TUBG2: variants seen among roughly 807,000 people sequenced by gnomAD.
TUBG2 encodes the protein tubulin gamma-2 chain.
TUBG2 carries 39 observed loss-of-function variants against 55.1 expected under a neutral mutation model. The observed-to-expected ratio is 0.71, with a 90% confidence interval of 0.55 to 0.93. The LOEUF (loss-of-function observed/expected upper bound fraction) is 0.93. Ranked by LOEUF, TUBG2 falls within the 40% of genes least tolerant of loss-of-function variation. The probability of loss-of-function intolerance (pLI) is 0.00; values close to 1 mark genes in which losing one functional copy is unlikely to be tolerated. For missense variants in TUBG2, 358 were observed against 599.1 expected, an observed-to-expected ratio of 0.60 and a Z score of 4.20; for synonymous variants, 223 against 241.0, an observed-to-expected ratio of 0.93 and a Z score of 0.69.
chr17:42,660,376 A>T, intron 3 of TUBG2, 60 bp downstream of exon 3: 1 of 1,607,176 alleles, frequency 6.2e-7, no homozygotes, highest in Non-Finnish European at 8.5e-7. Flanking sequence ...AGGCAGGCTC[A>T]AGCTACTAGG....
At chr17:42,660,533 G>A in intron 3 of TUBG2, 106 bp from the exon 4 acceptor site, 5 of 1,326,378 alleles carry the variant, frequency 3.8e-6, no homozygotes, top group South Asian at 1.2e-5. Flanking sequence ...CTCTGCTTCA[G>A]GGTGGCAACA....
rs778739041 is a variant in TUBG2, at chr17:42,663,390, C to T, written c.493C>T (p.Leu165=). ...CTTTTCTCTCAGGTACCCCAAGAAG[C>T]TAGTGCAGACTTATTCAGTGTTTCC... The part of the protein sequence containing the change: ...ERLNDRYPKK[L]VQTYSVFPYQ... Residue 165 remains leucine, a synonymous_variant, in exon 6 of 11, where the codon CTA becomes TTA. Coordinates refer to ENST00000251412, the MANE Select transcript of TUBG2 (RefSeq NM_016437.3). 1 of 1,614,018 alleles carries T rather than the reference C, an allele frequency of 6.2e-7. No homozygotes were observed. The highest frequency in any genetic ancestry group is 1.3e-5 in the African/African-American group (1 of 74,920).
At chr17:42,660,471 G>T in intron 3 of TUBG2, 155 bp downstream of exon 3, 2 of 1,390,206 alleles carry the variant, frequency 1.4e-6, no homozygotes, top group Non-Finnish European at 2.0e-6. Flanking sequence ...TGCAAATTTT[G>T]TGCAAATCAT....
Position 42,665,538 on chromosome 17 carries a change from G to A in TUBG2, c.669G>A (p.Pro223=), listed in dbSNP as rs773980344. The part of the protein sequence containing the change: ...IATDRLHIQN[P]SFSQINQLVS... ...CAGACCGCCTGCACATCCAGAACCC[G>A]TCCTTCTCCCAGATCAACCAGCTGG... The change falls in exon 7 of 11, where the codon CCG becomes CCA. Residue 223 remains proline (P), a synonymous_variant. Transcript: ENST00000251412. The A allele has an allele frequency of 3.5e-5, 56 of 1,613,902 alleles. No homozygotes were observed. The highest frequency in any genetic ancestry group is 1.3e-4 in the South Asian group (12 of 91,082).
chr17:42,659,812 G>C, intron 1 of TUBG2, 22 bp from the exon 2 acceptor site: 4 of 1,614,010 alleles, frequency 2.5e-6, no homozygotes, highest in Non-Finnish European at 3.4e-6. Flanking sequence ...CAGCAGACCC[G>C]GGCATCTCCC....
intron 3 of TUBG2, 100 bp from the exon 4 acceptor site, chr17:42,660,539 C>A (rs1178173501): frequency 4.4e-5 from 59 of 1,347,438 alleles, no homozygotes; most frequent in Non-Finnish European, 6.0e-5. Context: ...TTCAGGGTGG[C>A]AACAATATTC....
intron 6 of TUBG2, among the ~76,000 whole-genome samples, chr17:42,664,749 C>T (rs9897504): frequency 0.21 from 31,412 of 151,562 alleles, 3,673 homozygotes; most frequent in Non-Finnish European, 0.26. Context: ...GTGTATGGCA[C>T]ATGTGGGTAC....
intron 3 of TUBG2, 107 bp downstream of exon 3, chr17:42,660,423 G>C (rs1253901519): frequency 1.3e-6 from 2 of 1,555,722 alleles, no homozygotes; most frequent in Non-Finnish European, 1.8e-6. Flanking sequence ...GAGACAAAAG[G>C]ATGTCCCGAA....
chr17:42,665,725 C>T lies in TUBG2; in HGVS notation c.741C>T (p.Gly247=). The T allele has an allele frequency of 6.2e-7, 1 of 1,614,220 alleles. No individual in the cohort carries two copies. The highest frequency in any genetic ancestry group is 8.5e-7 in the Non-Finnish European group (1 of 1,180,038). ...SASTTTLRYP[G]YMNNDLIGLI... ...GCACCACCACCCTGCGCTACCCCGG[C>T]TACATGAACAATGACCTCATCGGCC... Residue 247 remains glycine (G), a synonymous_variant, in exon 8 of 11, where the codon GGC becomes GGT. Transcript: ENST00000251412.
chr17:42,666,052 G>T (rs779777034), intron 8 of TUBG2, 35 bp from the exon 9 acceptor site: 5 of 1,613,694 alleles, frequency 3.1e-6, no homozygotes, highest in Admixed American at 3.3e-5. Flanking sequence ...TGTGCCCTGA[G>T]CGCTGGCCGG....
At chr17:42,662,856 T>C (rs2052419724) in intron 4 of TUBG2, 117 bp from the exon 5 acceptor site, 1 of 910,682 alleles carries the variant, frequency 1.1e-6, no homozygotes, top group Admixed American at 2.2e-5. Context: ...TGGCATCTAC[T>C]GTAGAATTGA....
intron 3 of TUBG2, 155 bp from the exon 4 acceptor site, chr17:42,660,484 G>A (rs535472602): frequency 7.7e-7 from 1 of 1,301,526 alleles, no homozygotes; most frequent in East Asian, 2.4e-5. Flanking sequence ...CAAATCATTT[G>A]CAATAGTAGC....
chr17:42,665,184 A>G (rs2065643240), intron 6 of TUBG2, among the ~76,000 whole-genome samples: 2 of 152,022 alleles, frequency 1.3e-5, no homozygotes, highest in Admixed American at 1.3e-4. Flanking sequence ...ATTAGCTGGG[A>G]CTACAGGCGC....
chr17:42,660,584 A>G, intron 3 of TUBG2, 55 bp from the exon 4 acceptor site: 1 of 1,532,680 alleles, frequency 6.5e-7, no homozygotes, highest in Non-Finnish European at 9.0e-7. Flanking sequence ...TGTGCTGAGA[A>G]AAGATGCTCT....
chr17:42,661,703 T>C (rs1395711665), intron 4 of TUBG2, among the ~76,000 whole-genome samples: 1 of 152,162 alleles, frequency 6.6e-6, no homozygotes, highest in Non-Finnish European at 1.5e-5. Context: ...TCGGTATCTC[T>C]TCATCTGGCT....
chr17:42,660,109 C>T lies in TUBG2; in HGVS notation c.163-40C>T, dbSNP rs767098438. ...TTGGGAGGACTTCGGACTTGGGCCG[C>T]CCTAGCTGATTGGGCCCCCTCCTGG... On this transcript the variant is annotated intron_variant, in intron 2 of 10. Coordinates refer to ENST00000251412, the MANE Select transcript of TUBG2 (RefSeq NM_016437.3). 34 of 1,453,592 alleles carry T rather than the reference C, an allele frequency of 2.3e-5. 2 individuals are homozygous for T. In the South Asian group the frequency reaches 4.2e-4, roughly 18 times the overall value. 90.0% of individuals were successfully genotyped at this position (1,453,592 alleles called of 1,614,324 possible).
rs974763631 is a variant in TUBG2 at position 42,666,880 on chromosome 17, C to T, written c.*80C>T. 40 of 1,490,140 alleles carry T rather than the reference C, an allele frequency of 2.7e-5. No individual in the cohort carries two copies. The highest frequency in any genetic ancestry group is 1.4e-4 in the Admixed American group (8 of 55,440). 92.3% of individuals were successfully genotyped at this position (1,490,140 alleles called of 1,614,324 possible). ...GCCTGCTCCCTCTGACCCAGCTTCA[C>T]CTCATGGACAACCCTTCTTGGTTCA... is the stretch of plus-strand genomic sequence containing the variant. On this transcript the variant is annotated 3_prime_UTR_variant, in exon 11 of 11. Transcript: ENST00000251412.
At chr17:42,664,135 G>T (rs2052460083) in intron 6 of TUBG2, among the ~76,000 whole-genome samples, 1 of 151,928 alleles carries the variant, frequency 6.6e-6, no homozygotes. Context: ...AATTAGCCGG[G>T]CATGGTGGCA....
chr17:42,663,137 C>A, intron 5 of TUBG2, 85 bp downstream of exon 5: 1 of 1,459,968 alleles, frequency 6.8e-7, no homozygotes, highest in Non-Finnish European at 9.5e-7. Flanking sequence ...GAAAGTCTGC[C>A]ACTACCCCTT....
Sources: allele counts gnomAD v4.1 joint callset (sites outside exome capture counted in the v4.1 genomes callset), GRCh38; gene constraint gnomAD v4.1.1; transcripts MANE v1.5; gene names NCBI Gene and HGNC (gene_info 2026-07-23, HGNC 2026-07-21).